Variants in PMPCA observed in about 807,000 individuals in gnomAD.
PMPCA encodes peptidase, mitochondrial processing subunit alpha.
In PMPCA, 47 loss-of-function variants were observed where a neutral mutation model predicts 59.3. The observed-to-expected ratio is 0.79, with a 90% CI of 0.63 to 1.01. The LOEUF (loss-of-function observed/expected upper bound fraction) is 1.01, where lower values mean the gene tolerates loss of function less well. Ranked by LOEUF, PMPCA falls within the 50% of genes least tolerant of loss-of-function variation. PMPCA has a pLI of 0.00. For synonymous variants in PMPCA, 338 were observed against 290.3 expected, an observed-to-expected ratio of 1.16 and a Z score of -1.67; for missense variants, 726 against 704.5, an observed-to-expected ratio of 1.03 and a Z score of -0.34.
At chr9:136,415,554 G>A (rs1056099007) in intron 5 of PMPCA, among the ~76,000 whole-genome samples, 1 of 152,228 alleles carries the variant, frequency 6.6e-6, no homozygotes, top group Non-Finnish European at 1.5e-5. Flanking sequence ...AGCAGCTTGC[G>A]CTTGGTGTTC....
chr9:136,410,825 A>T, intron 1 of PMPCA, 86 bp downstream of exon 1: 3 of 1,140,016 alleles, frequency 2.6e-6, no homozygotes, highest in Non-Finnish European at 2.3e-6. Context: ...TCTACAGGTG[A>T]CATGGCGCCC....
At position 136,418,671 on chromosome 9, in the gene PMPCA, C is replaced by T. The variant is rs1308712101; in HGVS notation, c.1107C>T (p.Asn369=). 6.2e-7 allele frequency: 1 copy of T among 1,603,404 alleles called. No homozygotes were observed. The highest frequency in any genetic ancestry group is 8.5e-7 in the Non-Finnish European group (1 of 1,170,284). ...MFSRLYLNVL[N]RHHWMYNATS... ...CCAGGCTCTACCTCAACGTGCTCAA[C>T]AGGTGGGTTGCACTCTTTTCTGTAT... Residue 369 remains asparagine, a splice_region_variant and synonymous_variant, in exon 9 of 13, where the codon AAC becomes AAT. Transcript: ENST00000371717.
chr9:136,416,054 C>T (rs1028958972), intron 5 of PMPCA: 9 of 582,288 alleles, frequency 1.5e-5, no homozygotes, highest in Non-Finnish European at 2.4e-5. Context: ...TTAGCAGGCT[C>T]ACGTGGCTGC....
intron 6 of PMPCA, 190 bp from the exon 7 acceptor site, chr9:136,416,761 T>G: frequency 1.7e-6 from 1 of 599,670 alleles, no homozygotes; most frequent in Non-Finnish European, 3.0e-6. Context: ...TTTGTGAATT[T>G]GTATTCTGGA....
rs750719058 is a variant in PMPCA at position 136,418,617 on chromosome 9, G to A, written c.1053G>A (p.Ser351=). ...NMMMGGGGSF[S]AGGPGKGMFS... ...TGATGGGCGGAGGTGGCTCCTTCTCGGCTGGTGGGCCCGGCAAGGGCATGT... is the reference window on the plus strand; with the variant it reads ...TGATGGGCGGAGGTGGCTCCTTCTCAGCTGGTGGGCCCGGCAAGGGCATGT... The change falls in exon 9 of 13, where the codon TCG becomes TCA. Residue 351 remains serine (S), a synonymous_variant. Transcript: ENST00000371717. 14 of 1,613,898 alleles carry A rather than the reference G, an allele frequency of 8.7e-6. No individual in the cohort carries two copies. The highest frequency in any genetic ancestry group is 3.3e-5 in the Admixed American group (2 of 60,008).
chr9:136,417,611 T>C (rs933801805), intron 7 of PMPCA, among the ~76,000 whole-genome samples: 3 of 152,026 alleles, frequency 2.0e-5, no homozygotes, highest in Non-Finnish European at 4.4e-5. Flanking sequence ...TAGCTGGGAT[T>C]ACCACCACGC....
Position 136,416,384 on chromosome 9 carries a change from T to C in PMPCA, c.626T>C (p.Ile209Thr), listed in dbSNP as rs1276731683. The change falls in exon 6 of 13, where the codon ATT becomes ACT. Residue 209 changes from isoleucine to threonine, a missense_variant. Transcript: ENST00000371717. ...PDPEPLLTEM[I>T]HEAAYRENTV... Reference sequence around the variant, plus strand: ...CCAGAGCCACTTCTCACCGAGATGATTCATGAAGTAAAATGTCAAACTCGA... The same window carrying C: ...CCAGAGCCACTTCTCACCGAGATGACTCATGAAGTAAAATGTCAAACTCGA... The C allele has an allele frequency of 6.2e-7, 1 of 1,610,260 alleles. No homozygotes were observed. Among genetic ancestry groups the C allele is most frequent in the Admixed American group, 1.7e-5 (1 of 60,006 alleles).
At chr9:136,417,363 G>C in intron 7 of PMPCA, 149 bp downstream of exon 7, 2 of 604,802 alleles carry the variant, frequency 3.3e-6, no homozygotes, top group Non-Finnish European at 5.6e-6. Flanking sequence ...CCACAGCAGG[G>C]CATGGACTGT....
chr9:136,418,762 C>T (rs778107065), intron 9 of PMPCA, 66 bp from the exon 10 acceptor site: 156 of 1,515,886 alleles, frequency 1.0e-4, no homozygotes, highest in Non-Finnish European at 1.4e-4. Flanking sequence ...GGTGACTTTT[C>T]TCCAGTTTCC....
At position 136,418,935 on chromosome 9, in the gene PMPCA, C is replaced by T; in HGVS notation, c.1200+17C>T. 1 of 1,610,722 alleles carries T rather than the reference C, an allele frequency of 6.2e-7. No homozygotes were observed. Among genetic ancestry groups the T allele is most frequent in the Non-Finnish European group, 8.5e-7 (1 of 1,176,976 alleles). ...CCAAGACAGGTGAGGGCCCCGCCTG[C>T]CACCGTCCTCAGTGCGGTTGCCTGT... On this transcript the variant is annotated intron_variant, in intron 10 of 12. Coordinates refer to ENST00000371717, the MANE Select transcript of PMPCA (RefSeq NM_015160.3).
chr9:136,410,963 C>T (rs182253446), intron 1 of PMPCA, among the ~76,000 whole-genome samples: 2 of 152,318 alleles, frequency 1.3e-5, no homozygotes, highest in South Asian at 2.1e-4. Flanking sequence ...GGGTCCTCTC[C>T]CCCCCTCACT....
rs753267393 is a variant in PMPCA at position 136,419,124 on chromosome 9, C to A, written c.1263+18C>A. 4.4e-6 allele frequency: 7 copies of A among 1,607,048 alleles called. No homozygotes were observed. Among genetic ancestry groups the A allele is most frequent in the Non-Finnish European group, 6.0e-6 (7 of 1,173,530 alleles). On this transcript the variant is annotated intron_variant, in intron 11 of 12. Transcript: ENST00000371717. ...TGGACACGGTAAGTGCAGTGTGGCG[C>A]CATTTCCAGGCGTACCTGTGGTGTC...
chr9:136,419,008 C>T, intron 10 of PMPCA, 36 bp from the exon 11 acceptor site: 2 of 1,606,492 alleles, frequency 1.2e-6, no homozygotes, highest in Middle Eastern at 1.7e-4. Context: ...CCGGCAGGCG[C>T]AGGCCACACT....
intron 4 of PMPCA, among the ~76,000 whole-genome samples, chr9:136,414,254 C>T (rs1835210911): frequency 6.6e-6 from 1 of 152,204 alleles, no homozygotes; most frequent in Non-Finnish European, 1.5e-5. Context: ...TCCTGCCTAC[C>T]AAGCATTCAC....
chr9:136,414,696 G>T (rs753507848), intron 5 of PMPCA, 49 bp downstream of exon 5: 2 of 1,214,180 alleles, frequency 1.6e-6, no homozygotes, highest in East Asian at 2.3e-5. Context: ...ACATAGGGAA[G>T]ACCGGAAAGG....
intron 4 of PMPCA, among the ~76,000 whole-genome samples, chr9:136,413,767 G>A (rs1835198980): frequency 6.6e-6 from 1 of 152,122 alleles, no homozygotes; most frequent in Admixed American, 6.5e-5. Flanking sequence ...CCTCAGCTCA[G>A]GCTTTTGTTC....
At chr9:136,413,985 A>G (rs11145939) in intron 4 of PMPCA, among the ~76,000 whole-genome samples, 20,748 of 152,216 alleles carry the variant, frequency 0.14, 1,705 homozygotes, top group Admixed American at 0.21. Flanking sequence ...TGCCTGTCCC[A>G]TGGGCCAGCT....
chr9:136,416,419 C>T (rs372541560), intron 6 of PMPCA, 28 bp downstream of exon 6: 21 of 1,483,440 alleles, frequency 1.4e-5, no homozygotes, highest in East Asian at 2.3e-5. Flanking sequence ...AGAATGCCCC[C>T]GCATCTCGAA....
At chr9:136,422,736 C>A in intron 12 of PMPCA, 1 of 1,081,670 alleles carries the variant, frequency 9.2e-7, no homozygotes, top group African/African-American at 1.6e-5. Context: ...GGCCTTCTCT[C>A]ACCCCACCCT....
Sources: gnomAD v4.1 joint callset for allele counts (sites outside exome capture counted in the v4.1 genomes callset) on GRCh38, gnomAD v4.1.1 for gene constraint, MANE v1.5 for transcripts, NCBI Gene and HGNC (gene_info 2026-07-23, HGNC 2026-07-21) for gene names.